Variants in MEF2A observed in about 807,000 individuals in gnomAD.
The protein encoded by MEF2A is myocyte enhancer factor 2A, also known as myocyte-specific enhancer factor 2A.
A neutral mutation model predicts 55.8 loss-of-function variants in MEF2A; 28 were observed. The observed-to-expected ratio is 0.50, with a 90% CI of 0.37 to 0.69. MEF2A has a LOEUF of 0.69. MEF2A is among the 30% of genes least tolerant of loss of function. The pLI is 0.00. For synonymous variants in MEF2A, 239 were observed against 227.1 expected (o/e 1.05, Z -0.47); for missense variants, 528 against 626.2 (o/e 0.84, Z 1.67).
chr15:99,601,886 T>C (rs1973212583), intron 2 of MEF2A, among the ~76,000 whole-genome samples: 1 of 151,258 alleles, frequency 6.6e-6, no homozygotes, highest in Non-Finnish European at 1.5e-5. Context: ...CAGAATGAGT[T>C]AAAATTTCTT....
chr15:99,688,310 G>A (rs1190047986), intron 7 of MEF2A, among the ~76,000 whole-genome samples: 1 of 152,212 alleles, frequency 6.6e-6, no homozygotes, highest in African/African-American at 2.4e-5. Flanking sequence ...AAATTGTATA[G>A]GGGATGTATT....
Position 99,567,727 on chromosome 15 carries a change from CAA to C in MEF2A, c.-225+1624_-225+1625del, listed in dbSNP as rs1358586698. Among the ~76,000 whole-genome samples the C allele has an allele frequency of 1.1e-4, 17 of 151,144 alleles. 1 individual carries two copies. The highest frequency in any genetic ancestry group is 1.6e-4 in the Non-Finnish European group (11 of 67,916). ...AATTACAACTTTTGTTTTAGGGAATCAAGAGTTTTCACTAAAGCAGATGCTGA... is the reference window on the plus strand; with the variant it reads ...AATTACAACTTTTGTTTTAGGGAATCGAGTTTTCACTAAAGCAGATGCTGA... On this transcript the variant is annotated intron_variant, in intron 1 of 11. Transcript: ENST00000557942.
intron 1 of MEF2A, among the ~76,000 whole-genome samples, chr15:99,586,572 A>G (rs564720797): frequency 2.7e-4 from 41 of 152,180 alleles, no homozygotes; most frequent in African/African-American, 9.4e-4. Flanking sequence ...TTCTACATAG[A>G]AGTCTTTTTT....
At chr15:99,573,286 CAAAAAAAA>C (rs66573508) in intron 1 of MEF2A, among the ~76,000 whole-genome samples, 2 of 86,608 alleles carry the variant, frequency 2.3e-5, no homozygotes, top group East Asian at 3.1e-4. Flanking sequence ...GACTCCGTCT[CAAAAAAAA>C]AAAAAAAAAA....
chr15:99,645,363 C>T (rs1273877209), intron 3 of MEF2A, among the ~76,000 whole-genome samples, 198 bp from the exon 4 acceptor site: 4 of 152,088 alleles, frequency 2.6e-5, no homozygotes, highest in Non-Finnish European at 4.4e-5. Context: ...ACAGCTCTGT[C>T]GGAGAACTTG....
At chr15:99,648,851 G>A (rs551214416) in intron 4 of MEF2A, among the ~76,000 whole-genome samples, 30 of 152,270 alleles carry the variant, frequency 2.0e-4, no homozygotes, top group African/African-American at 2.4e-4. Context: ...AGTACAGGAC[G>A]CACGTGTATT....
In MEF2A at chr15:99,712,539, C is replaced by CCCA. The variant is rs1567520917; in HGVS notation, c.1286_1287insCCA (p.Pro429_Pro430insGln). The CCCA allele has an allele frequency of 4.6e-6, 7 of 1,518,104 alleles. No homozygotes were observed. The highest frequency in any genetic ancestry group is 2.8e-5 in the East Asian group (1 of 36,060). The allele number at this position is 1,518,104 out of a possible 1,614,324, so 94.0% of individuals were successfully genotyped here. ...CAGCAGCAGCAGCAGCAGCAGCAGC[C>CCCA]GCCGCCACCACCGCAGCCCCAGCCA... On this transcript the variant is annotated inframe_insertion, in exon 12 of 12. Transcript: ENST00000557942. The surrounding 1 kb of genome is among the most constrained non-coding windows in gnomAD (Gnocchi z 4.1).
At chr15:99,645,903 A>ATCT in intron 4 of MEF2A, 139 bp downstream of exon 4, 1 of 605,682 alleles carries the variant, frequency 1.7e-6, no homozygotes, top group South Asian at 2.7e-5. Context: ...ATTTCTTAGA[A>ATCT]GAGTGATTGC....
chr15:99,641,473 C>T (rs983663719), intron 3 of MEF2A, among the ~76,000 whole-genome samples: 1 of 152,150 alleles, frequency 6.6e-6, no homozygotes, highest in Non-Finnish European at 1.5e-5. Flanking sequence ...CCTGTAATCC[C>T]AGCACTTTGG....
chr15:99,643,592 ATTTT>A (rs551157873), intron 3 of MEF2A, among the ~76,000 whole-genome samples: 1 of 139,672 alleles, frequency 7.2e-6, no homozygotes, highest in Non-Finnish European at 1.6e-5. Flanking sequence ...TATATTGAGA[ATTTT>A]TTTTTTTTTT....
In MEF2A at chr15:99,632,749, A is replaced by G. The variant is rs1358793447; in HGVS notation, c.-142-229A>G. On this transcript the variant is annotated intron_variant, in intron 2 of 11. Transcript: ENST00000557942. ...TTATTGTATACATTGAGAAAACCTC[A>G]AACATTATTGTTGCATTAGTTTAAC... is the stretch of plus-strand genomic sequence containing the variant. 2.0e-5 allele frequency among the ~76,000 whole-genome samples: 3 copies of G among 152,214 alleles called. No homozygotes were observed. In the East Asian group the frequency reaches 5.8e-4, roughly 29 times the overall value.
At chr15:99,677,499 A>C (rs558466017) in intron 7 of MEF2A, among the ~76,000 whole-genome samples, 5 of 152,162 alleles carry the variant, frequency 3.3e-5, no homozygotes, top group Non-Finnish European at 7.3e-5. Flanking sequence ...AAGAAACTAA[A>C]AGATAAGATA....
intron 1 of MEF2A, among the ~76,000 whole-genome samples, chr15:99,575,137 C>T (rs542681460): frequency 2.6e-5 from 4 of 152,158 alleles, no homozygotes; most frequent in African/African-American, 4.8e-5. Context: ...CTAAATACTT[C>T]AACTGATATC....
At chr15:99,597,949 T>C (rs936322646) in intron 1 of MEF2A, among the ~76,000 whole-genome samples, 2 of 152,250 alleles carry the variant, frequency 1.3e-5, no homozygotes, top group African/African-American at 2.4e-5. Flanking sequence ...ATTACAAATA[T>C]ACACATTGTA....
At chr15:99,681,707 C>T (rs916499184) in intron 7 of MEF2A, 5 of 152,182 alleles carry the variant, frequency 3.3e-5, no homozygotes, top group African/African-American at 1.2e-4. Context: ...TGTTGTCCAT[C>T]TTACAAGACA....
At chr15:99,689,550 AG>A (rs2153712197) in intron 7 of MEF2A, among the ~76,000 whole-genome samples, 1 of 152,274 alleles carries the variant, frequency 6.6e-6, no homozygotes, top group Admixed American at 6.5e-5. Context: ...GCATGATCTC[AG>A]CTCACGGCAA....
intron 2 of MEF2A, among the ~76,000 whole-genome samples, chr15:99,600,373 T>C (rs1312369147): frequency 6.6e-6 from 1 of 152,156 alleles, no homozygotes; most frequent in Admixed American, 6.5e-5. Flanking sequence ...CTTGAGTGTT[T>C]AGATTGGAAA....
intron 2 of MEF2A, among the ~76,000 whole-genome samples, chr15:99,617,388 T>C (rs1213886466): frequency 6.6e-6 from 1 of 152,096 alleles, no homozygotes; most frequent in East Asian, 1.9e-4. Flanking sequence ...AGATATGTTA[T>C]TAGTACAGTT....
intron 2 of MEF2A, among the ~76,000 whole-genome samples, chr15:99,623,373 C>T (rs575599964): frequency 2.6e-4 from 40 of 152,130 alleles, no homozygotes; most frequent in Non-Finnish European, 5.7e-4. Context: ...CATTGGTGTA[C>T]GGATATCTGA....
Sources: allele counts gnomAD v4.1 joint callset (sites outside exome capture counted in the v4.1 genomes callset), GRCh38; gene constraint gnomAD v4.1.1; non-coding constraint Gnocchi (gnomAD v3.1); transcripts MANE v1.5; gene names NCBI Gene and HGNC (gene_info 2026-07-23, HGNC 2026-07-21).